The following ZC3H11A variants were observed in gnomAD, a reference collection of about 807,000 sequenced individuals.
The protein encoded by ZC3H11A is zinc finger CCCH domain-containing protein 11A.
Under a neutral mutation model 90.8 loss-of-function variants are expected in ZC3H11A, and 22 were observed. That is an observed-to-expected ratio of 0.24 (90% CI 0.17 to 0.35). The LOEUF is 0.35. Among genes scored for constraint, ZC3H11A ranks in the 10% least tolerant of loss-of-function variants. The probability of loss-of-function intolerance (pLI) is 1.00; values close to 1 mark genes in which losing one functional copy is unlikely to be tolerated. For missense variants in ZC3H11A, 701 were observed against 964.9 expected (o/e 0.73, Z 3.62); for synonymous variants, 294 against 339.8 (o/e 0.87, Z 1.48).
At position 203,819,087 on chromosome 1, in the gene ZC3H11A, T is replaced by TACACAC. The variant is rs202070174; in HGVS notation, c.174+399_174+400insCACACA. On this transcript the variant is annotated intron_variant, in intron 4 of 17. Coordinates refer to ENST00000367210, the MANE Select transcript of ZC3H11A (RefSeq NM_001376342.1). ...CGTCTCAAAAAAAAAAATATATATA[T>TACACAC]ATACACACACACACACACACACACA... is the stretch of plus-strand genomic sequence containing the variant. Among the ~76,000 whole-genome samples the TACACAC allele has an allele frequency of 3.5e-3, 146 of 41,462 alleles. 4 individuals are homozygous for TACACAC. In the East Asian group the frequency reaches 0.038, roughly 11 times the overall value. The allele number at this position is 41,462 out of a possible 152,430, so 27.2% of individuals were successfully genotyped here.
chr1:203,843,714 T>G (rs1687115561), intron 12 of ZC3H11A, among the ~76,000 whole-genome samples: 1 of 152,256 alleles, frequency 6.6e-6, no homozygotes, highest in Non-Finnish European at 1.5e-5. Context: ...ATAGTTTGCC[T>G]ATGCCTTTTT....
At position 203,828,403 on chromosome 1, in the gene ZC3H11A, T is replaced by C; in HGVS notation, c.279T>C (p.Leu93=). ...HHNRGRYVDG[L]FLPPSKTVLP... ...ATAGAGGACGATATGTTGATGGCCT[T>C]TTCCTACCTCCGAGCAAAAGTGAGA... is the stretch of plus-strand genomic sequence containing the variant. The change falls in exon 5 of 18, where the codon CTT becomes CTC. Residue 93 remains leucine (L), a synonymous_variant. Coordinates refer to ENST00000367210, the MANE Select transcript of ZC3H11A (RefSeq NM_001376342.1). The C allele has an allele frequency of 1.2e-6, 2 of 1,613,262 alleles. No homozygotes were observed. The highest frequency in any genetic ancestry group is 1.7e-6 in the Non-Finnish European group (2 of 1,179,534).
rs774811895 is a variant in ZC3H11A at position 203,848,320 on chromosome 1, T to C, written c.1547-11T>C. On this transcript the variant is annotated splice_polypyrimidine_tract_variant and intron_variant, in intron 13 of 17. Transcript: ENST00000367210. ...ATAAAATAACTAATGATGTCTTTAA[T>C]GTGAATACAGGGATGAAAGAAGAGA... The C allele has an allele frequency of 1.4e-5, 22 of 1,607,068 alleles. No homozygotes were observed. The South Asian group carries it at 2.3e-4, about 17-fold the overall frequency.
intron 4 of ZC3H11A, among the ~76,000 whole-genome samples, chr1:203,820,299 CCTT>C (rs912278615): frequency 4.0e-5 from 6 of 151,698 alleles, no homozygotes; most frequent in Admixed American, 6.6e-5. Flanking sequence ...AGTTTTGTCT[CCTT>C]CTGTTGAGAG....
At chr1:203,832,610 C>T (rs1037290390) in intron 9 of ZC3H11A, among the ~76,000 whole-genome samples, 9 of 152,196 alleles carry the variant, frequency 5.9e-5, no homozygotes, top group African/African-American at 2.2e-4. Context: ...ATCTGCCTGC[C>T]TCAGCCTCCC....
At chr1:203,826,072 A>G (rs1481348054) in intron 4 of ZC3H11A, among the ~76,000 whole-genome samples, 2 of 152,154 alleles carry the variant, frequency 1.3e-5, no homozygotes, top group Non-Finnish European at 2.9e-5. Context: ...GCTTAGGAAC[A>G]AGGAAGATTG....
At chr1:203,801,157 T>C (rs1365605440) in intron 1 of ZC3H11A, 1 of 152,178 alleles carries the variant, frequency 6.6e-6, no homozygotes, top group African/African-American at 2.4e-5. Flanking sequence ...TCAAATAATT[T>C]ATGGGTAAAA....
intron 4 of ZC3H11A, among the ~76,000 whole-genome samples, chr1:203,823,639 A>G (rs373748525): frequency 6.6e-6 from 1 of 152,254 alleles, no homozygotes; most frequent in African/African-American, 2.4e-5. Context: ...TTCTAAGGAC[A>G]GTAGTCTAAG....
chr1:203,817,716 T>C (rs1302597942), intron 3 of ZC3H11A, among the ~76,000 whole-genome samples: 1 of 152,058 alleles, frequency 6.6e-6, no homozygotes, highest in Non-Finnish European at 1.5e-5. Context: ...TAAACGTATA[T>C]GTTAAAAAAA....
intron 3 of ZC3H11A, 100 bp from the exon 4 acceptor site, chr1:203,818,470 C>G: frequency 6.7e-7 from 1 of 1,496,660 alleles, no homozygotes; most frequent in Non-Finnish European, 9.1e-7. Flanking sequence ...TCCTTTCTTA[C>G]TCATTTGTGC....
chr1:203,853,863 T>G lies in ZC3H11A; in HGVS notation c.*1464T>G, dbSNP rs1004517739. On this transcript the variant is annotated 3_prime_UTR_variant, in exon 18 of 18. Transcript: ENST00000367210. Reference sequence around the variant, plus strand: ...CTTCAGCTGACTGAATGTTGTATGATAGCCCTTCTCCAAAGCAGAGGTAGA... The same window carrying G: ...CTTCAGCTGACTGAATGTTGTATGAGAGCCCTTCTCCAAAGCAGAGGTAGA... 1 of 152,672 alleles carries G rather than the reference T, an allele frequency of 6.5e-6. No homozygotes were observed. The highest frequency in any genetic ancestry group is 2.4e-5 in the African/African-American group (1 of 41,468). 9.5% of individuals were successfully genotyped at this position (152,672 alleles called of 1,614,324 possible). A position where few individuals can be genotyped will look rare whatever the true frequency, so the allele number is the denominator to read the frequency against.
chr1:203,818,352 C>G (rs1260915776), intron 3 of ZC3H11A, among the ~76,000 whole-genome samples: 3 of 152,094 alleles, frequency 2.0e-5, no homozygotes, highest in Non-Finnish European at 4.4e-5. Context: ...TTGTGTCACT[C>G]ATGCCAGATC....
intron 1 of ZC3H11A, chr1:203,796,482 A>G (rs1668543558): frequency 1.0e-5 from 4 of 398,968 alleles, no homozygotes; most frequent in East Asian, 3.6e-5. Flanking sequence ...GAACACCCCT[A>G]AACTCCCATA....
intron 12 of ZC3H11A, among the ~76,000 whole-genome samples, chr1:203,841,408 C>T (rs1686151721): frequency 6.6e-6 from 1 of 152,260 alleles, no homozygotes; most frequent in Non-Finnish European, 1.5e-5. Flanking sequence ...ACATCTTGCA[C>T]CGCCCTTAAT....
intron 12 of ZC3H11A, among the ~76,000 whole-genome samples, chr1:203,841,461 C>T (rs979795233): frequency 5.3e-5 from 8 of 152,108 alleles, no homozygotes; most frequent in African/African-American, 1.4e-4. Context: ...TCAGAGAGCA[C>T]GGGGTTGGGA....
chr1:203,851,221 A>C, intron 17 of ZC3H11A, 97 bp downstream of exon 17: 1 of 1,102,634 alleles, frequency 9.1e-7, no homozygotes, highest in African/African-American at 1.6e-5. Flanking sequence ...AGCAACATTC[A>C]AATAAATCTG....
rs368339860 is a variant in ZC3H11A, at chr1:203,838,080, C to T, written c.973+16C>T. 9.9e-6 allele frequency: 16 copies of T among 1,611,206 alleles called. No individual in the cohort carries two copies. In the African/African-American group the frequency reaches 1.1e-4, roughly 11 times the overall value. ...CCAAAGAAAGGTACCTGTGTTCTTA[C>T]ATACTTTGTGTGTGTATGTAATTAT... On this transcript the variant is annotated intron_variant, in intron 11 of 17. Transcript: ENST00000367210.
chr1:203,832,525 T>C (rs759576475), intron 9 of ZC3H11A, among the ~76,000 whole-genome samples: 3 of 152,102 alleles, frequency 2.0e-5, no homozygotes, highest in Non-Finnish European at 2.9e-5. Context: ...CACGCCTGGC[T>C]AATTTTTGTA....
chr1:203,817,253 AG>A, intron 3 of ZC3H11A, 129 bp downstream of exon 3: 1 of 636,738 alleles, frequency 1.6e-6, no homozygotes, highest in Non-Finnish European at 2.5e-6. Context: ...ATTGGCTGTC[AG>A]TTTTTTAAAG....
Sources: gnomAD v4.1 joint callset for allele counts (sites outside exome capture counted in the v4.1 genomes callset) on GRCh38, gnomAD v4.1.1 for gene constraint, MANE v1.5 for transcripts, NCBI Gene and HGNC (gene_info 2026-07-23, HGNC 2026-07-21) for gene names.